The following SNAPC4 variants were observed in gnomAD, a reference collection of about 807,000 sequenced individuals.
SNAPC4 encodes small nuclear RNA activating complex polypeptide 4.
SNAPC4 carries 127 observed loss-of-function variants against 151.3 expected under a neutral mutation model. The ratio of observed to expected loss-of-function variants is 0.84; its 90% CI spans 0.73 to 0.97. SNAPC4 has a LOEUF of 0.97. Among genes scored for constraint, SNAPC4 ranks in the 50% least tolerant of loss-of-function variants. SNAPC4 has a pLI of 0.00. For missense variants in SNAPC4, 2,186 were observed against 1,935.0 expected (o/e 1.13, Z -2.43); for synonymous variants, 1,002 against 824.4 (o/e 1.22, Z -3.69).
chr9:136,394,665 A>G, intron 6 of SNAPC4, 135 bp downstream of exon 6: 1 of 756,228 alleles, frequency 1.3e-6, no homozygotes, highest in South Asian at 1.7e-5. Context: ...GGCCAGTCCC[A>G]GTGGTCAAGG....
At position 136,391,923 on chromosome 9, in the gene SNAPC4, G is replaced by T; in HGVS notation, c.975+19C>A. 3 of 1,597,886 alleles carry T rather than the reference G, an allele frequency of 1.9e-6. No individual in the cohort carries two copies. Among genetic ancestry groups the T allele is most frequent in the Non-Finnish European group, 2.5e-6 (3 of 1,178,710 alleles). ...GCCCTCAGGTCTCCTGGCCCCTGGGGTCCAGGCCAGGCCCTTACCCCCAGC... is the reference window on the plus strand; with the variant it reads ...GCCCTCAGGTCTCCTGGCCCCTGGGTTCCAGGCCAGGCCCTTACCCCCAGC... On this transcript the variant is annotated intron_variant, in intron 10 of 23. Coordinates refer to ENST00000684778, the MANE Select transcript of SNAPC4 (RefSeq NM_003086.4).
chr9:136,386,383 G>A (rs1004334237), intron 13 of SNAPC4, among the ~76,000 whole-genome samples: 7 of 151,610 alleles, frequency 4.6e-5, no homozygotes, highest in African/African-American at 1.5e-4. Flanking sequence ...TGGCTGCACA[G>A]CTCAATGAAT....
intron 6 of SNAPC4, 89 bp from the exon 7 acceptor site, chr9:136,394,419 G>C: frequency 2.4e-6 from 3 of 1,234,652 alleles, no homozygotes; most frequent in South Asian, 2.4e-5. Flanking sequence ...CCGAGGCAGT[G>C]GTGGGGGGCC....
intron 20 of SNAPC4, 44 bp downstream of exon 20, chr9:136,380,696 G>C: frequency 8.9e-7 from 1 of 1,117,868 alleles, no homozygotes. Context: ...CAACGCCGGG[G>C]CGGGCAGTGG....
At position 136,397,011 on chromosome 9, in the gene SNAPC4, G is replaced by T. The variant is rs760191582; in HGVS notation, c.143C>A (p.Ser48Tyr). ...GGGATCGGCAGGATCCAAGTCCTCA[G>T]AAGGCAGTGAATCTGTCAGAAACAC... Reference protein sequence around the residue: ...ESDSEADSLPSEDLDPADPPI... With the variant: ...ESDSEADSLPYEDLDPADPPI... Residue 48 changes from serine (S) to tyrosine (Y), a missense_variant, in exon 3 of 24, where the codon TCT becomes TAT. By Grantham distance (144) the Ser-to-Tyr change is moderately radical. Coordinates refer to ENST00000684778, the MANE Select transcript of SNAPC4 (RefSeq NM_003086.4). 2 of 1,612,924 alleles carry T rather than the reference G, an allele frequency of 1.2e-6. No individual in the cohort carries two copies. Among genetic ancestry groups the T allele is most frequent in the South Asian group, 2.2e-5 (2 of 91,080 alleles).
Position 136,379,069 on chromosome 9 carries a change from G to A in SNAPC4, c.2758C>T (p.Gln920Ter). 6.3e-7 allele frequency: 1 copy of A among 1,581,398 alleles called. No individual in the cohort carries two copies. Among genetic ancestry groups the A allele is most frequent in the Non-Finnish European group, 8.6e-7 (1 of 1,164,474 alleles). ...ATRGPVVLPS[Q>*]LLVSSSVILQ... ...ATCACAGACGAGGAGACCAGCAGCT[G>A]GGACGGGAGCACCACCGGGCCCCGG... The change falls in exon 22 of 24, where the codon CAG (glutamine) becomes TAG (stop). Residue 920 changes from glutamine (Q) to a stop codon, truncating the protein, a stop_gained. Transcript: ENST00000684778. LOFTEE classifies it high-confidence loss of function.
chr9:136,378,860 G>T lies in SNAPC4; in HGVS notation c.2967C>A (p.Leu989=). 1 of 1,609,606 alleles carries T rather than the reference G, an allele frequency of 6.2e-7. No homozygotes were observed. Among genetic ancestry groups the T allele is most frequent in the Non-Finnish European group, 8.5e-7 (1 of 1,178,594 alleles). The stretch of plus-strand genomic sequence containing the variant: ...CCTCGGCCTCTGAGAAGACAGGAGC[G>T]AGGGGCAGGGCTTGCATGGTGGAGA... ...KRLSTMQALP[L]APVFSEAEGT... The change falls in exon 22 of 24, where the codon CTC becomes CTA. Residue 989 remains leucine (L), a synonymous_variant. Transcript: ENST00000684778.
chr9:136,398,581 A>C (rs914756262), intron 1 of SNAPC4, 144 bp from the exon 2 acceptor site: 1 of 906,204 alleles, frequency 1.1e-6, no homozygotes. Flanking sequence ...TTAATAGGCC[A>C]GGCACAGAAT....
At position 136,376,525 on chromosome 9, in the gene SNAPC4, A is replaced by G. The variant is rs73670242; in HGVS notation, c.4285-44T>C. ...AGTGGGGACAAGAGTGACACCCCCGAGCCATGATGGACGGGGAAGGGACGG... is the reference window on the plus strand; with the variant it reads ...AGTGGGGACAAGAGTGACACCCCCGGGCCATGATGGACGGGGAAGGGACGG... On this transcript the variant is annotated intron_variant, in intron 22 of 23. Coordinates refer to ENST00000684778, the MANE Select transcript of SNAPC4 (RefSeq NM_003086.4). 1.9e-3 allele frequency: 2,986 copies of G among 1,607,072 alleles called. 43 individuals are homozygous for G. In the African/African-American group the frequency reaches 0.035, roughly 19 times the overall value.
chr9:136,398,851 T>C lies in SNAPC4; in HGVS notation c.-9-414A>G, dbSNP rs141421824. Reference sequence around the variant, plus strand: ...CAAGGACACAGCCCGTGACCCACTTTGGCCATCCTGCTCTCCCATGACACA... The same window carrying C: ...CAAGGACACAGCCCGTGACCCACTTCGGCCATCCTGCTCTCCCATGACACA... On this transcript the variant is annotated intron_variant, in intron 1 of 23. Transcript: ENST00000684778. 2.9e-3 allele frequency: 493 copies of C among 168,472 alleles called. 5 individuals are homozygous for C. Among genetic ancestry groups the C allele is most frequent in the African/African-American group, 0.011 (465 of 42,216 alleles). The allele number at this position is 168,472 out of a possible 1,614,324, so 10.4% of individuals were successfully genotyped here.
At chr9:136,385,808 C>T (rs1365184406) in intron 13 of SNAPC4, among the ~76,000 whole-genome samples, 1 of 152,174 alleles carries the variant, frequency 6.6e-6, no homozygotes, top group Non-Finnish European at 1.5e-5. Flanking sequence ...TCCGCCTTGG[C>T]CTCCCAAAGT....
rs750322633 is a variant in SNAPC4 at position 136,378,593 on chromosome 9, C to A, written c.3234G>T (p.Trp1078Cys). 1 of 1,583,888 alleles carries A rather than the reference C, an allele frequency of 6.3e-7. No homozygotes were observed. The highest frequency in any genetic ancestry group is 1.1e-5 in the South Asian group (1 of 87,692). The stretch of plus-strand genomic sequence containing the variant: ...GGAGAAGCCCCTGGGCTGTGAGCAC[C>A]CAGGTGACAGGCAGGGGGACACTGG... ...VATSVPLPVT[W>C]VLTAQGLLPV... Residue 1078 changes from tryptophan to cysteine, a missense_variant, in exon 22 of 24, where the codon TGG becomes TGT. Trp to Cys is a radical substitution (Grantham distance 215). Transcript: ENST00000684778.
At chr9:136,386,322 C>T (rs1252015986) in intron 13 of SNAPC4, among the ~76,000 whole-genome samples, 1 of 151,736 alleles carries the variant, frequency 6.6e-6, no homozygotes, top group Non-Finnish European at 1.5e-5. Context: ...TTGTTTTTGT[C>T]GTTGAATGGC....
In SNAPC4 at chr9:136,391,079, C is replaced by A. The variant is rs193299860; in HGVS notation, c.975+863G>T. On this transcript the variant is annotated intron_variant, in intron 10 of 23. Coordinates refer to ENST00000684778, the MANE Select transcript of SNAPC4 (RefSeq NM_003086.4). ...GAACTCCCGACCTCAGGTGATCCGC[C>A]AGCCTCGGCCTCCCAAAGTGCTGGG... Among the ~76,000 whole-genome samples the A allele has an allele frequency of 2.8e-4, 43 of 152,276 alleles. No homozygotes were observed. The Middle Eastern group carries it at 0.014, about 49-fold the overall frequency.
At position 136,378,057 on chromosome 9, in the gene SNAPC4, G is replaced by A. The variant is rs774379369; in HGVS notation, c.3770C>T (p.Pro1257Leu). 6.5e-5 allele frequency: 102 copies of A among 1,575,296 alleles called. 1 individual carries two copies. Among genetic ancestry groups the A allele is most frequent in the Middle Eastern group, 1.8e-4 (1 of 5,602 alleles). ...PEKGALDLEKPPLPQPGPEKG... is the reference protein window; with the variant it reads ...PEKGALDLEKLPLPQPGPEKG... ...CTCAGGCCCAGGCTGGGGTAGGGGC[G>A]GCTTCTCCAGGTCCAGGGCCCCCTT... The change falls in exon 22 of 24, where the codon CCG becomes CTG. Residue 1257 changes from proline to leucine, a missense_variant. Physicochemically the swap from Pro to Leu is moderately conservative, Grantham distance 98. Coordinates refer to ENST00000684778, the MANE Select transcript of SNAPC4 (RefSeq NM_003086.4).
Position 136,387,906 on chromosome 9 carries a change from T to C in SNAPC4, c.1124-58A>G, listed in dbSNP as rs1191702030. Reference sequence around the variant, plus strand: ...GCCGAGACACACACCCTCCATAGAGTAGACAGCTAGGGACAACAGGGTCCC... The same window carrying C: ...GCCGAGACACACACCCTCCATAGAGCAGACAGCTAGGGACAACAGGGTCCC... On this transcript the variant is annotated intron_variant, in intron 11 of 23. Transcript: ENST00000684778. The C allele has an allele frequency of 3.1e-6, 3 of 973,896 alleles. No homozygotes were observed. The African/African-American group carries it at 4.8e-5, about 16-fold the overall frequency. 60.3% of individuals were successfully genotyped at this position (973,896 alleles called of 1,614,324 possible). A position where few individuals can be genotyped will look rare whatever the true frequency, so the allele number is the denominator to read the frequency against.
At chr9:136,389,426 G>A (rs1166569407) in intron 10 of SNAPC4, among the ~76,000 whole-genome samples, 1 of 152,200 alleles carries the variant, frequency 6.6e-6, no homozygotes. Flanking sequence ...AGAGCTGGAT[G>A]TGGTGCCGCT....
At chr9:136,397,627 T>TGGGGA (rs1834319363) in intron 2 of SNAPC4, among the ~76,000 whole-genome samples, 7 of 32,232 alleles carry the variant, frequency 2.2e-4, no homozygotes, top group Non-Finnish European at 5.8e-5. Context: ...GCACGTGGGG[T>TGGGGA]GGGGAGCACG....
chr9:136,379,223 G>A lies in SNAPC4; in HGVS notation c.2604C>T (p.Ser868=), dbSNP rs2131471407. The A allele has an allele frequency of 6.2e-7, 1 of 1,612,204 alleles. No individual in the cohort carries two copies. Residue 868 remains serine, a synonymous_variant, in exon 22 of 24, where the codon TCC becomes TCT. Coordinates refer to ENST00000684778, the MANE Select transcript of SNAPC4 (RefSeq NM_003086.4). ...GGGGTAGGGTGCGCTCCACCCGGCT[G>A]GACGCCAGTCTTCGGCTCCCTTTGT... The part of the protein sequence containing the change: ...ASHKGSRRLA[S]SRVERTLPQA...
Sources: gnomAD v4.1 joint callset for allele counts (sites outside exome capture counted in the v4.1 genomes callset) on GRCh38, gnomAD v4.1.1 for gene constraint, MANE v1.5 for transcripts, NCBI Gene and HGNC (gene_info 2026-07-23, HGNC 2026-07-21) for gene names.